Variants in EXT2 observed in about 807,000 individuals in gnomAD.
EXT2 encodes the protein exostosin glycosyltransferase 2, also known as exostosin-2.
EXT2 carries 53 observed loss-of-function variants against 81.6 expected under a neutral mutation model. The ratio of observed to expected loss-of-function variants is 0.65; its 90% CI spans 0.52 to 0.82. The LOEUF (loss-of-function observed/expected upper bound fraction) is 0.82, where lower values mean the gene tolerates loss of function less well. EXT2 is among the 40% of genes least tolerant of loss of function. The pLI is 0.00. For synonymous variants in EXT2, 320 were observed against 340.0 expected (o/e 0.94, Z 0.65); for missense variants, 774 against 910.2 (o/e 0.85, Z 1.93).
At chr11:44,151,598 G>A (rs973800987) in intron 7 of EXT2, among the ~76,000 whole-genome samples, 3 of 152,102 alleles carry the variant, frequency 2.0e-5, no homozygotes, top group South Asian at 2.1e-4. Context: ...TTGTCTGGAT[G>A]TACCACAGTT....
intron 7 of EXT2, among the ~76,000 whole-genome samples, chr11:44,149,005 T>A (rs568324755): frequency 3.9e-4 from 59 of 152,296 alleles, no homozygotes; most frequent in Middle Eastern, 6.8e-3. Context: ...TTTTGTAATG[T>A]TTTCCTTCTA....
At chr11:44,154,229 A>T (rs1253405319) in intron 7 of EXT2, among the ~76,000 whole-genome samples, 1 of 152,014 alleles carries the variant, frequency 6.6e-6, no homozygotes, top group Non-Finnish European at 1.5e-5. Context: ...ATCAAATACT[A>T]TATCTTATTT....
intron 10 of EXT2, among the ~76,000 whole-genome samples, chr11:44,230,414 G>C (rs748225539): frequency 6.6e-6 from 1 of 152,146 alleles, no homozygotes; most frequent in African/African-American, 2.4e-5. Context: ...TTTTGGGAGC[G>C]ATATTATGGG....
chr11:44,186,039 TAA>T (rs1330248501), intron 8 of EXT2, among the ~76,000 whole-genome samples: 1 of 152,246 alleles, frequency 6.6e-6, no homozygotes, highest in Non-Finnish European at 1.5e-5. Context: ...TTGAATCAGA[TAA>T]GTCACTAGTT....
intron 10 of EXT2, among the ~76,000 whole-genome samples, chr11:44,209,359 C>A (rs1955621011): frequency 6.6e-6 from 1 of 152,160 alleles, no homozygotes; most frequent in Non-Finnish European, 1.5e-5. Flanking sequence ...GCCATGTTAG[C>A]TGCTGCTGCT....
chr11:44,153,736 G>A (rs1013655481), intron 7 of EXT2, among the ~76,000 whole-genome samples: 4 of 151,802 alleles, frequency 2.6e-5, no homozygotes, highest in Non-Finnish European at 5.9e-5. Flanking sequence ...TATTGGATTT[G>A]GTCAAAGGCT....
At chr11:44,101,905 G>A (rs904467560) in intron 1 of EXT2, among the ~76,000 whole-genome samples, 2 of 151,076 alleles carry the variant, frequency 1.3e-5, no homozygotes, top group African/African-American at 2.4e-5. Flanking sequence ...TTTCTAAGCT[G>A]GGCAGCTAAC....
chr11:44,112,073 C>G (rs1954152414), intron 3 of EXT2, among the ~76,000 whole-genome samples: 1 of 152,104 alleles, frequency 6.6e-6, no homozygotes, highest in Admixed American at 6.6e-5. Flanking sequence ...AAACCTGAAG[C>G]TTTATATTTG....
At chr11:44,202,142 T>C (rs1472342262) in intron 9 of EXT2, among the ~76,000 whole-genome samples, 2 of 152,202 alleles carry the variant, frequency 1.3e-5, no homozygotes, top group African/African-American at 4.8e-5. Context: ...CCATGATTCA[T>C]TCTATATTTC....
rs1194294338 is a variant in EXT2, at chr11:44,244,420, C to G, written c.*133C>G. ...TACTTGGATCTTGGCATGCACCCAC[C>G]TAACCCACTTTCTCAAGAACAAGAA... On this transcript the variant is annotated 3_prime_UTR_variant, in exon 14 of 14. Transcript: ENST00000533608. The G allele has an allele frequency of 1.1e-5, 10 of 877,822 alleles. No homozygotes were observed. In the Admixed American group the frequency reaches 2.0e-4, roughly 18 times the overall value. 54.4% of individuals were successfully genotyped at this position (877,822 alleles called of 1,614,324 possible).
At chr11:44,233,752 CA>C (rs562399630) in intron 11 of EXT2, among the ~76,000 whole-genome samples, 3 of 151,922 alleles carry the variant, frequency 2.0e-5, no homozygotes, top group African/African-American at 7.2e-5. Context: ...AATAAGCAAA[CA>C]AAAAAACCCA....
intron 7 of EXT2, among the ~76,000 whole-genome samples, chr11:44,131,277 G>A (rs1954488753): frequency 6.6e-6 from 1 of 152,018 alleles, no homozygotes; most frequent in Non-Finnish European, 1.5e-5. Context: ...CCCCTTAATT[G>A]TCATTTTAGA....
chr11:44,127,514 G>C (rs1954425858), intron 6 of EXT2, among the ~76,000 whole-genome samples: 1 of 152,222 alleles, frequency 6.6e-6, no homozygotes, highest in African/African-American at 2.4e-5. Context: ...AATGCCTGAT[G>C]ATCTGAGGTG....
Position 44,243,158 on chromosome 11 carries a change from G to A in EXT2, c.2019-991G>A, listed in dbSNP as rs11037912. Among the ~76,000 whole-genome samples, 1,133 of 152,304 alleles carry A rather than the reference G, an allele frequency of 7.4e-3. 10 individuals are homozygous for A. Among genetic ancestry groups the A allele is most frequent in the African/African-American group, 0.026 (1,084 of 41,570 alleles). ...GCTCTCAGATGTCCTGGGCCCGACTGAGGCAAGAGTGTTGACCTTTCTGAA... is the reference window on the plus strand; with the variant it reads ...GCTCTCAGATGTCCTGGGCCCGACTAAGGCAAGAGTGTTGACCTTTCTGAA... On this transcript the variant is annotated intron_variant, in intron 13 of 13. Transcript: ENST00000533608.
In EXT2 at chr11:44,244,878, A is replaced by G; in HGVS notation, c.*591A>G. 4.3e-6 allele frequency: 1 copy of G among 234,226 alleles called. No homozygotes were observed. Among genetic ancestry groups the G allele is most frequent in the Non-Finnish European group, 8.4e-6 (1 of 118,636 alleles). 14.5% of individuals were successfully genotyped at this position (234,226 alleles called of 1,614,324 possible). A position where few individuals can be genotyped will look rare whatever the true frequency, so the allele number is the denominator to read the frequency against. The stretch of plus-strand genomic sequence containing the variant: ...CAGGATCCTGTCAGTTCCATGAGCT[A>G]TTCCTCTTTGGTTTGGCTTTTTGAT... On this transcript the variant is annotated 3_prime_UTR_variant, in exon 14 of 14. Coordinates refer to ENST00000533608, the MANE Select transcript of EXT2 (RefSeq NM_207122.2).
intron 1 of EXT2, among the ~76,000 whole-genome samples, chr11:44,103,189 A>G (rs555540288): frequency 2.8e-4 from 43 of 152,064 alleles, no homozygotes; most frequent in African/African-American, 9.9e-4. Flanking sequence ...TGCTTTTAAT[A>G]TTCTTCTTTA....
intron 7 of EXT2, among the ~76,000 whole-genome samples, chr11:44,168,665 G>A (rs1166559959): frequency 4.6e-5 from 7 of 152,216 alleles, no homozygotes; most frequent in Admixed American, 3.9e-4. Context: ...AAAATTGGAT[G>A]AAGCCAGAAC....
At chr11:44,096,039 TG>T (rs1046661350) in intron 1 of EXT2, among the ~76,000 whole-genome samples, 187 bp downstream of exon 1, 74 of 152,232 alleles carry the variant, frequency 4.9e-4, no homozygotes, top group Non-Finnish European at 8.7e-4. Context: ...TGCCCGCTTT[TG>T]GAGCGCTCCG....
At chr11:44,212,142 G>A (rs907171367) in intron 10 of EXT2, among the ~76,000 whole-genome samples, 2 of 151,742 alleles carry the variant, frequency 1.3e-5, no homozygotes, top group African/African-American at 2.4e-5. Flanking sequence ...AAAATTAGCC[G>A]GGTATGGTGA....
Sources: gnomAD v4.1 joint callset for allele counts (sites outside exome capture counted in the v4.1 genomes callset) on GRCh38, gnomAD v4.1.1 for gene constraint, MANE v1.5 for transcripts, NCBI Gene and HGNC (gene_info 2026-07-23, HGNC 2026-07-21) for gene names.